Variants in ATXN1 observed in about 807,000 individuals in gnomAD.
ATXN1 encodes ataxin-1.
A neutral mutation model predicts 56.4 loss-of-function variants in ATXN1; 8 were observed. The observed-to-expected ratio is 0.14, with a 90% CI of 0.08 to 0.26. The LOEUF is 0.26. ATXN1 is among the 10% of genes least tolerant of loss of function. The pLI, the probability that ATXN1 is intolerant of heterozygous loss-of-function variation, is 1.00. For synonymous variants in ATXN1, 514 were observed against 494.6 expected, an observed-to-expected ratio of 1.04 and a Z score of -0.52; for missense variants, 987 against 1,106.5, an observed-to-expected ratio of 0.89 and a Z score of 1.53.
intron 2 of ATXN1, among the ~76,000 whole-genome samples, chr6:16,690,735 A>AAAGAGGG (rs1004101594): frequency 2.0e-5 from 3 of 152,160 alleles, no homozygotes; most frequent in Non-Finnish European, 4.4e-5. Context: ...ACGGAGGTGG[A>AAAGAGGG]AAGAGGGAGA....
At chr6:16,608,801 G>A (rs556808385) in intron 3 of ATXN1, among the ~76,000 whole-genome samples, 14 of 152,330 alleles carry the variant, frequency 9.2e-5, no homozygotes, top group African/African-American at 1.9e-4. Context: ...GACAATCTAC[G>A]TGTAAGCCTA....
chr6:16,679,486 G>C (rs533312446), intron 2 of ATXN1, among the ~76,000 whole-genome samples: 3 of 152,298 alleles, frequency 2.0e-5, no homozygotes, highest in African/African-American at 7.2e-5. Context: ...GGGAAATATA[G>C]TGGAGTGAGT....
At chr6:16,752,109 G>T (rs1270306071) in intron 2 of ATXN1, among the ~76,000 whole-genome samples, 1 of 152,178 alleles carries the variant, frequency 6.6e-6, no homozygotes, top group Non-Finnish European at 1.5e-5. Context: ...GGCTCTTACG[G>T]TAAAGAGGCA....
At chr6:16,560,857 C>A (rs1240677311) in intron 4 of ATXN1, among the ~76,000 whole-genome samples, 1 of 152,156 alleles carries the variant, frequency 6.6e-6, no homozygotes, top group Non-Finnish European at 1.5e-5. Flanking sequence ...GACCGGAGGG[C>A]AAAGCTGGCT....
At chr6:16,393,273 T>G (rs907264973) in intron 6 of ATXN1, among the ~76,000 whole-genome samples, 46 of 152,124 alleles carry the variant, frequency 3.0e-4, no homozygotes, top group African/African-American at 1.1e-3. Context: ...TTATTTTTTT[T>G]AGAGACAGGG....
intron 2 of ATXN1, among the ~76,000 whole-genome samples, chr6:16,744,839 C>T (rs1249396954): frequency 2.0e-5 from 3 of 152,124 alleles, no homozygotes; most frequent in East Asian, 1.9e-4. Context: ...AAAAGAGAGG[C>T]TGATCATATA....
intron 6 of ATXN1, among the ~76,000 whole-genome samples, chr6:16,405,303 C>A (rs903292801): frequency 1.3e-5 from 2 of 152,230 alleles, no homozygotes; most frequent in Non-Finnish European, 1.5e-5. Flanking sequence ...AGAGTCCTAG[C>A]AGTTTGCTAC....
At chr6:16,440,921 G>T (rs151073552) in intron 6 of ATXN1, among the ~76,000 whole-genome samples, 2 of 152,288 alleles carry the variant, frequency 1.3e-5, no homozygotes, top group African/African-American at 4.8e-5. Context: ...ACAGAGCCAG[G>T]CAGAAGCAAT....
chr6:16,643,217 C>T (rs1763738596), intron 3 of ATXN1, among the ~76,000 whole-genome samples: 1 of 150,406 alleles, frequency 6.6e-6, no homozygotes, highest in Admixed American at 6.6e-5. Flanking sequence ...CGTGCCACTG[C>T]ACTCCAGCCT....
rs545850533 is a variant in ATXN1 at position 16,663,384 on chromosome 6, A to G, written c.-614-5483T>C. The stretch of plus-strand genomic sequence containing the variant: ...ACCGGCAAGACCAAAAAATTTTTTA[A>G]AAAGAACTTTTGAATTATATAAAAT... On this transcript the variant is annotated intron_variant, in intron 2 of 7. Transcript: ENST00000436367. 4.6e-5 allele frequency among the ~76,000 whole-genome samples: 7 copies of G among 152,298 alleles called. 1 individual carries two copies. The highest frequency in any genetic ancestry group is 1.7e-4 in the African/African-American group (7 of 41,566).
chr6:16,653,503 G>C (rs1289162869), intron 3 of ATXN1, among the ~76,000 whole-genome samples: 1 of 152,190 alleles, frequency 6.6e-6, no homozygotes, highest in Non-Finnish European at 1.5e-5. Context: ...GTGTGGCTTT[G>C]GGAGCCAAGG....
At chr6:16,615,082 A>C (rs902601076) in intron 3 of ATXN1, 1 of 149,898 alleles carries the variant, frequency 6.7e-6, no homozygotes, top group African/African-American at 2.5e-5. Flanking sequence ...TCATAATATA[A>C]CAACCAAAAA....
chr6:16,405,865 T>G (rs374349677), intron 6 of ATXN1, among the ~76,000 whole-genome samples: 6 of 151,824 alleles, frequency 4.0e-5, no homozygotes, highest in African/African-American at 1.5e-4. Context: ...GAAAGAAAAG[T>G]CGGGAAATGG....
intron 3 of ATXN1, among the ~76,000 whole-genome samples, chr6:16,606,541 T>C (rs1460382134): frequency 1.3e-5 from 2 of 151,844 alleles, no homozygotes; most frequent in African/African-American, 4.8e-5. Context: ...TTTATTTTTA[T>C]TTTTTGAGAC....
chr6:16,627,255 T>C (rs943545783), intron 3 of ATXN1, among the ~76,000 whole-genome samples: 3 of 152,188 alleles, frequency 2.0e-5, no homozygotes, highest in African/African-American at 7.2e-5. Context: ...GAGTTTCAGG[T>C]GACCTAGAAC....
chr6:16,749,507 CT>C (rs1760644938), intron 2 of ATXN1, among the ~76,000 whole-genome samples: 1 of 152,040 alleles, frequency 6.6e-6, no homozygotes. Context: ...TTTTAAAGGT[CT>C]TAAAGGAAGA....
chr6:16,523,882 C>T (rs577265434), intron 4 of ATXN1, among the ~76,000 whole-genome samples: 12 of 152,336 alleles, frequency 7.9e-5, no homozygotes, highest in African/African-American at 2.6e-4. Context: ...ATTTAATCTA[C>T]ACCACACAAG....
At chr6:16,579,464 G>T (rs1020629547) in intron 4 of ATXN1, among the ~76,000 whole-genome samples, 1 of 120,490 alleles carries the variant, frequency 8.3e-6, no homozygotes, top group Non-Finnish European at 1.7e-5. Flanking sequence ...CAGGGTCACT[G>T]AGTACCTTGG....
At chr6:16,374,726 C>A (rs765537367) in intron 6 of ATXN1, among the ~76,000 whole-genome samples, 1 of 152,188 alleles carries the variant, frequency 6.6e-6, no homozygotes, top group Non-Finnish European at 1.5e-5. Context: ...TAGAGCGAAG[C>A]TGGGGCCTGG....
Sources: gnomAD v4.1 joint callset for allele counts (sites outside exome capture counted in the v4.1 genomes callset) on GRCh38, gnomAD v4.1.1 for gene constraint, MANE v1.5 for transcripts, NCBI Gene and HGNC (gene_info 2026-07-23, HGNC 2026-07-21) for gene names.